The following EPN1 variants were observed in gnomAD, a reference collection of about 807,000 sequenced individuals.
EPN1 encodes the protein epsin-1.
A neutral mutation model predicts 56.9 loss-of-function variants in EPN1; 25 were observed. That is an observed-to-expected ratio of 0.44 (90% CI 0.32 to 0.61). The LOEUF (loss-of-function observed/expected upper bound fraction) is 0.61. Ranked by LOEUF, EPN1 falls within the 20% of genes least tolerant of loss-of-function variation. The probability of loss-of-function intolerance (pLI) is 0.05; values close to 1 mark genes in which losing one functional copy is unlikely to be tolerated. For synonymous variants in EPN1, 411 were observed against 361.8 expected, an observed-to-expected ratio of 1.14 and a Z score of -1.54; for missense variants, 785 against 823.7, an observed-to-expected ratio of 0.95 and a Z score of 0.58.
chr19:55,693,681 CTTATT>C lies in EPN1; in HGVS notation c.1264+647_1264+651del, dbSNP rs199543556. Reference sequence around the variant, plus strand: ...TGATGAGTCAGGTCAGCCTTGATCTCTTATTTTTATTTTAAGTGAGCTGTTAGTGA... The same window carrying C: ...TGATGAGTCAGGTCAGCCTTGATCTCTTTATTTTAAGTGAGCTGTTAGTGA... On this transcript the variant is annotated intron_variant, in intron 9 of 10. Transcript: ENST00000270460. Among the ~76,000 whole-genome samples the C allele has an allele frequency of 5.8e-3, 876 of 152,294 alleles. 10 individuals carry two copies. Among genetic ancestry groups the C allele is most frequent in the Admixed American group, 0.017 (256 of 15,292 alleles).
Position 55,703,029 on chromosome 19 carries a change from C to G in EPN1, c.*7673C>G, listed in dbSNP as rs1463412131. ...TTAGCCAGGATGGTCTCAATCTGACCTTGTGATTCCGCCCACCTCGGCCTC... is the reference window on the plus strand; with the variant it reads ...TTAGCCAGGATGGTCTCAATCTGACGTTGTGATTCCGCCCACCTCGGCCTC... On this transcript the variant is annotated 3_prime_UTR_variant, in exon 11 of 11. Transcript: ENST00000270460. 6.6e-6 allele frequency: 1 copy of G among 152,054 alleles called. No homozygotes were observed. Among genetic ancestry groups the G allele is most frequent in the Non-Finnish European group, 1.5e-5 (1 of 68,072 alleles). The allele number at this position is 152,054 out of a possible 1,614,324, so 9.4% of individuals were successfully genotyped here.
At chr19:55,693,109 G>C in intron 9 of EPN1, 72 bp downstream of exon 9, 1 of 1,481,810 alleles carries the variant, frequency 6.7e-7, no homozygotes, top group Non-Finnish European at 9.4e-7. Context: ...CCCGTCCCTT[G>C]CTGTCTTTGT....
rs1269710190 is a variant in EPN1, at chr19:55,703,659, A to G, written c.*8303A>G. The G allele has an allele frequency of 6.6e-6, 1 of 152,278 alleles. No individual in the cohort carries two copies. Among genetic ancestry groups the G allele is most frequent in the Non-Finnish European group, 1.5e-5 (1 of 68,078 alleles). The allele number at this position is 152,278 out of a possible 1,614,324, so 9.4% of individuals were successfully genotyped here. ...ACTTTTTCGCAGATTGGTCACTAGC[A>G]GGGCGTCTGATGGAACTTTCTGAGA... is the stretch of plus-strand genomic sequence containing the variant. On this transcript the variant is annotated 3_prime_UTR_variant, in exon 11 of 11. Transcript: ENST00000270460.
At position 55,698,044 on chromosome 19, in the gene EPN1, A is replaced by G. The variant is rs1986977489; in HGVS notation, c.*2688A>G. The G allele has an allele frequency of 6.9e-6, 1 of 144,084 alleles. No homozygotes were observed. Among genetic ancestry groups the G allele is most frequent in the African/African-American group, 2.6e-5 (1 of 38,700 alleles). The allele number at this position is 144,084 out of a possible 1,614,324, so 8.9% of individuals were successfully genotyped here. On this transcript the variant is annotated 3_prime_UTR_variant, in exon 11 of 11. Transcript: ENST00000270460. ...GGGTTTTCGGCTAAACCCACCTAGC[A>G]GGATTCTTGCTGAAGGCAGGCCAGG...
intron 3 of EPN1, among the ~76,000 whole-genome samples, chr19:55,687,323 C>A (rs1458989737): frequency 6.6e-6 from 1 of 151,956 alleles, no homozygotes; most frequent in Non-Finnish European, 1.5e-5. Flanking sequence ...GGGAGTGAGC[C>A]CTGAGACCCT....
At position 55,705,008 on chromosome 19, in the gene EPN1, A is replaced by G. The variant is rs562754804; in HGVS notation, c.*9652A>G. ...TCTACACATGCACGTGGGAGGCACCAGGGAGCCCAGAAGAAATGAAAAGCC... is the reference window on the plus strand; with the variant it reads ...TCTACACATGCACGTGGGAGGCACCGGGGAGCCCAGAAGAAATGAAAAGCC... On this transcript the variant is annotated 3_prime_UTR_variant, in exon 11 of 11. Transcript: ENST00000270460. 1 of 152,228 alleles carries G rather than the reference A, an allele frequency of 6.6e-6. No individual in the cohort carries two copies. Among genetic ancestry groups the G allele is most frequent in the Non-Finnish European group, 1.5e-5 (1 of 68,060 alleles). 9.4% of individuals were successfully genotyped at this position (152,228 alleles called of 1,614,324 possible).
rs1419771687 is a variant in EPN1, at chr19:55,697,562, G to A, written c.*2206G>A. On this transcript the variant is annotated 3_prime_UTR_variant, in exon 11 of 11. Coordinates refer to ENST00000270460, the MANE Select transcript of EPN1 (RefSeq NM_001130072.2). ...CTCATTTGGCAAAACAGAGAAGACA[G>A]GATTGAAAAACAAGACAAAAACCCA... 1.3e-5 allele frequency: 2 copies of A among 152,206 alleles called. No individual in the cohort carries two copies. The highest frequency in any genetic ancestry group is 1.3e-4 in the Admixed American group (2 of 15,280). 9.4% of individuals were successfully genotyped at this position (152,206 alleles called of 1,614,324 possible). A position where few individuals can be genotyped will look rare whatever the true frequency, so the allele number is the denominator to read the frequency against.
In EPN1 at chr19:55,698,443, G is replaced by C. The variant is rs367837651; in HGVS notation, c.*3087G>C. On this transcript the variant is annotated 3_prime_UTR_variant, in exon 11 of 11. Coordinates refer to ENST00000270460, the MANE Select transcript of EPN1 (RefSeq NM_001130072.2). ...GAAGGCACTTGAGGGAACCTTCCTGGAGCCCGTAGGAGCTTCATCCGAGCT... is the reference window on the plus strand; with the variant it reads ...GAAGGCACTTGAGGGAACCTTCCTGCAGCCCGTAGGAGCTTCATCCGAGCT... 1 of 152,244 alleles carries C rather than the reference G, an allele frequency of 6.6e-6. No individual in the cohort carries two copies. Among genetic ancestry groups the C allele is most frequent in the East Asian group, 1.9e-4 (1 of 5,188 alleles). The allele number at this position is 152,244 out of a possible 1,614,324, so 9.4% of individuals were successfully genotyped here.
rs1289101242 is a variant in EPN1, at chr19:55,706,280, CTTCTT to C, written c.*10927_*10931del. 4.7e-3 allele frequency: 604 copies of C among 129,330 alleles called. 17 individuals carry two copies. Among genetic ancestry groups the C allele is most frequent in the African/African-American group, 0.015 (478 of 31,692 alleles). 8.0% of individuals were successfully genotyped at this position (129,330 alleles called of 1,614,324 possible). On this transcript the variant is annotated 3_prime_UTR_variant, in exon 11 of 11. Coordinates refer to ENST00000270460, the MANE Select transcript of EPN1 (RefSeq NM_001130072.2). ...TTTCTTCCTTTCTTCTCTTTTTCTTCTTCTTTTTTTTTTTTTTTTAAAAGACCGTG... is the reference window on the plus strand; with the variant it reads ...TTTCTTCCTTTCTTCTCTTTTTCTTCTTTTTTTTTTTTTTAAAAGACCGTG...
At position 55,692,774 on chromosome 19, in the gene EPN1, G is replaced by A. The variant is rs1337711097; in HGVS notation, c.1155G>A (p.Lys385=). The A allele has an allele frequency of 6.3e-7, 1 of 1,595,138 alleles. No homozygotes were observed. Among genetic ancestry groups the A allele is most frequent in the Non-Finnish European group, 8.5e-7 (1 of 1,170,810 alleles). ...FSDPWGGSPA[K]PSTNGTTAAG... ...ATCCCTGGGGAGGGTCACCTGCCAA[G>A]CCCAGCACCAATGGCACAACAGGTA... Residue 385 remains lysine, a synonymous_variant, in exon 8 of 11, where the codon AAG becomes AAA. Transcript: ENST00000270460.
Position 55,707,355 on chromosome 19 carries a change from GAAC to G in EPN1, c.*12002_*12004del, listed in dbSNP as rs1987475466. 6.6e-6 allele frequency: 1 copy of G among 152,154 alleles called. No homozygotes were observed. Among genetic ancestry groups the G allele is most frequent in the African/African-American group, 2.4e-5 (1 of 41,386 alleles). 9.4% of individuals were successfully genotyped at this position (152,154 alleles called of 1,614,324 possible). On this transcript the variant is annotated 3_prime_UTR_variant, in exon 11 of 11. Transcript: ENST00000270460. ...GACCCTGACTCTAAAACAAAAGAAA[GAAC>G]AAATAACAAATGAAAATAAATACCC... is the stretch of plus-strand genomic sequence containing the variant.
At position 55,689,102 on chromosome 19, in the gene EPN1, A is replaced by G. The variant is rs372127209; in HGVS notation, c.603+108A>G. ...CTGGCCCTCACTGTCGCTGCTCCACATGCTGTCACTCGTCTCCTCCCCAGT... is the reference window on the plus strand; with the variant it reads ...CTGGCCCTCACTGTCGCTGCTCCACGTGCTGTCACTCGTCTCCTCCCCAGT... On this transcript the variant is annotated intron_variant, in intron 4 of 10. Coordinates refer to ENST00000270460, the MANE Select transcript of EPN1 (RefSeq NM_001130072.2). The surrounding 1 kb of genome is among the most constrained non-coding windows in gnomAD (Gnocchi z 5.7). The G allele has an allele frequency of 9.1e-5, 128 of 1,404,486 alleles. 1 individual carries two copies. The African/African-American group carries it at 1.6e-3, about 17-fold the overall frequency. 87.0% of individuals were successfully genotyped at this position (1,404,486 alleles called of 1,614,324 possible).
At chr19:55,677,130 G>A in intron 1 of EPN1, 6 of 1,551,224 alleles carry the variant, frequency 3.9e-6, no homozygotes, top group Non-Finnish European at 4.4e-6. Context: ...ATCATGGCGG[G>A]GCTTTGAAAA....
At chr19:55,675,734 TC>T (rs1242691910) in intron 1 of EPN1, among the ~76,000 whole-genome samples, 1 of 152,164 alleles carries the variant, frequency 6.6e-6, no homozygotes, top group African/African-American at 2.4e-5. Context: ...GGTCTCTCTC[TC>T]CTCTGTCTGT....
rs1289787910 is a variant in EPN1 at position 55,709,418 on chromosome 19, A to G, written c.*14062A>G. 6.4e-6 allele frequency: 1 copy of G among 155,808 alleles called. No individual in the cohort carries two copies. Among genetic ancestry groups the G allele is most frequent in the Non-Finnish European group, 1.4e-5 (1 of 70,660 alleles). The allele number at this position is 155,808 out of a possible 1,614,324, so 9.7% of individuals were successfully genotyped here. ...ACATGAGCTTTTCTCAGAGACACTAATATAATGAATTCATGTACCCATCAC... is the reference window on the plus strand; with the variant it reads ...ACATGAGCTTTTCTCAGAGACACTAGTATAATGAATTCATGTACCCATCAC... On this transcript the variant is annotated 3_prime_UTR_variant, in exon 11 of 11. Coordinates refer to ENST00000270460, the MANE Select transcript of EPN1 (RefSeq NM_001130072.2).
chr19:55,701,425 G>C lies in EPN1; in HGVS notation c.*6069G>C, dbSNP rs1987134874. On this transcript the variant is annotated 3_prime_UTR_variant, in exon 11 of 11. Coordinates refer to ENST00000270460, the MANE Select transcript of EPN1 (RefSeq NM_001130072.2). ...GATTGCACTACTGCACTCCAGCCTG[G>C]GTGACAGAGTGAGACCCTGTCTCCA... The C allele has an allele frequency of 6.6e-6, 1 of 150,966 alleles. No homozygotes were observed. The highest frequency in any genetic ancestry group is 1.5e-5 in the Non-Finnish European group (1 of 67,870). The allele number at this position is 150,966 out of a possible 1,614,324, so 9.4% of individuals were successfully genotyped here.
chr19:55,698,564 C>G lies in EPN1; in HGVS notation c.*3208C>G, dbSNP rs531560955. On this transcript the variant is annotated 3_prime_UTR_variant, in exon 11 of 11. Transcript: ENST00000270460. ...ACCCCTCGCTCTACTCCCGCCCTCGCCCTATCCTCGCTCCTCGCCCTACGC... is the reference window on the plus strand; with the variant it reads ...ACCCCTCGCTCTACTCCCGCCCTCGGCCTATCCTCGCTCCTCGCCCTACGC... 8.4e-4 allele frequency: 128 copies of G among 152,714 alleles called. No homozygotes were observed. In the South Asian group the frequency reaches 0.026, roughly 31 times the overall value. 9.5% of individuals were successfully genotyped at this position (152,714 alleles called of 1,614,324 possible). A position where few individuals can be genotyped will look rare whatever the true frequency, so the allele number is the denominator to read the frequency against.
Position 55,709,079 on chromosome 19 carries a change from T to A in EPN1, c.*13723T>A, listed in dbSNP as rs767965495. 1.3e-6 allele frequency: 2 copies of A among 1,522,902 alleles called. No individual in the cohort carries two copies. The highest frequency in any genetic ancestry group is 2.6e-5 in the South Asian group (2 of 78,166). 94.3% of individuals were successfully genotyped at this position (1,522,902 alleles called of 1,614,324 possible). A position where few individuals can be genotyped will look rare whatever the true frequency, so the allele number is the denominator to read the frequency against. ...TAGAAATAAAGTTTTTTTTTTTGTTTTTCATTTTTACACAGTATTGCCTCT... is the reference window on the plus strand; with the variant it reads ...TAGAAATAAAGTTTTTTTTTTTGTTATTCATTTTTACACAGTATTGCCTCT... On this transcript the variant is annotated 3_prime_UTR_variant, in exon 11 of 11. Coordinates refer to ENST00000270460, the MANE Select transcript of EPN1 (RefSeq NM_001130072.2).
At chr19:55,684,338 A>G (rs912890171) in intron 2 of EPN1, among the ~76,000 whole-genome samples, 6 of 152,020 alleles carry the variant, frequency 3.9e-5, no homozygotes, top group Admixed American at 2.0e-4. Context: ...TGCAGAATCA[A>G]AGTTGTGCCT....
Sources: allele counts gnomAD v4.1 joint callset (sites outside exome capture counted in the v4.1 genomes callset), GRCh38; gene constraint gnomAD v4.1.1; non-coding constraint Gnocchi (gnomAD v3.1); transcripts MANE v1.5; gene names NCBI Gene and HGNC (gene_info 2026-07-23, HGNC 2026-07-21).